Variants in SIL1 observed in about 807,000 individuals in gnomAD.
The protein encoded by SIL1 is SIL1 nucleotide exchange factor.
SIL1 carries 40 observed loss-of-function variants against 49.1 expected under a neutral mutation model. That is an observed-to-expected ratio of 0.81 (90% confidence interval 0.63 to 1.06). The LOEUF is 1.06. Among genes scored for constraint, SIL1 ranks in the 50% least tolerant of loss-of-function variants. The pLI, the probability that SIL1 is intolerant of heterozygous loss-of-function variation, is 0.00. For synonymous variants in SIL1, 253 were observed against 250.8 expected, an observed-to-expected ratio of 1.01 and a Z score of -0.08; for missense variants, 500 against 572.6, an observed-to-expected ratio of 0.87 and a Z score of 1.29.
chr5:139,167,462 GTCTT>G (rs1199760988), intron 1 of SIL1, among the ~76,000 whole-genome samples: 6 of 151,904 alleles, frequency 3.9e-5, no homozygotes, highest in African/African-American at 1.5e-4. Flanking sequence ...ATGTATTTTT[GTCTT>G]TATTTTTAAC....
intron 4 of SIL1, among the ~76,000 whole-genome samples, chr5:139,048,382 T>G (rs1458253307): frequency 9.0e-5 from 13 of 143,740 alleles, no homozygotes; most frequent in East Asian, 5.9e-4. Flanking sequence ...TTTTTTTTTT[T>G]TTTTTTTTTT....
chr5:139,153,512 G>C lies in SIL1; in HGVS notation c.-10-25659C>G, dbSNP rs1023869037. 2.0e-5 allele frequency among the ~76,000 whole-genome samples: 3 copies of C among 152,148 alleles called. No individual in the cohort carries two copies. The South Asian group carries it at 6.2e-4, about 32-fold the overall frequency. On this transcript the variant is annotated intron_variant, in intron 1 of 9. Coordinates refer to ENST00000394817, the MANE Select transcript of SIL1 (RefSeq NM_022464.5). ...CTGAGATGATTTAGAGTCTCTGTTA[G>C]ACTCACTTCTCAGTTCTATCCTGGT... is the stretch of plus-strand genomic sequence containing the variant.
chr5:139,172,259 C>T (rs923613215), intron 1 of SIL1, among the ~76,000 whole-genome samples: 2 of 152,184 alleles, frequency 1.3e-5, no homozygotes, highest in Non-Finnish European at 2.9e-5. Context: ...AAAAGCTCAA[C>T]AAACTCCAAA....
chr5:139,115,794 C>A (rs1250165292), intron 3 of SIL1, among the ~76,000 whole-genome samples: 1 of 152,156 alleles, frequency 6.6e-6, no homozygotes, highest in Non-Finnish European at 1.5e-5. Context: ...GCCATTCTAG[C>A]AAATTATTAA....
chr5:139,079,066 A>G (rs1222774640), intron 3 of SIL1, among the ~76,000 whole-genome samples: 2 of 152,234 alleles, frequency 1.3e-5, no homozygotes, highest in African/African-American at 4.8e-5. Context: ...AATAATCACA[A>G]ATGGTTAGTG....
intron 1 of SIL1, among the ~76,000 whole-genome samples, chr5:139,159,069 A>C (rs954197287): frequency 5.9e-5 from 9 of 152,164 alleles, no homozygotes; most frequent in Non-Finnish European, 1.3e-4. Context: ...TACAGGGGAC[A>C]AGGGGAAAGA....
intron 7 of SIL1, among the ~76,000 whole-genome samples, chr5:138,993,568 G>T (rs967937060): frequency 1.3e-5 from 2 of 152,148 alleles, no homozygotes; most frequent in African/African-American, 4.8e-5. Context: ...ATGTGTATGT[G>T]ATTACACTAC....
At chr5:139,054,142 G>A (rs1343760039) in intron 3 of SIL1, among the ~76,000 whole-genome samples, 2 of 152,216 alleles carry the variant, frequency 1.3e-5, no homozygotes, top group South Asian at 4.1e-4. Context: ...TTAGCTGAGT[G>A]TGGTGGCTCA....
intron 5 of SIL1, among the ~76,000 whole-genome samples, chr5:139,028,813 T>C (rs1561835000): frequency 6.6e-6 from 1 of 152,214 alleles, no homozygotes; most frequent in Non-Finnish European, 1.5e-5. Flanking sequence ...ACCTGAGATG[T>C]AGACTTGTGT....
rs750649166 is a variant in SIL1 at position 138,951,922 on chromosome 5, C to T, written c.768-38G>A. The T allele has an allele frequency of 3.2e-6, 5 of 1,563,784 alleles. No individual in the cohort carries two copies. In the South Asian group the frequency reaches 3.3e-5, roughly 10 times the overall value. On this transcript the variant is annotated intron_variant, in intron 7 of 9. Transcript: ENST00000394817. ...CACAGGACAGCATGACTACCCTGCC[C>T]AGCCCAGGGATCGGATGGTCAGGGA...
At chr5:138,952,037 AC>A in intron 7 of SIL1, among the ~76,000 whole-genome samples, 153 bp from the exon 8 acceptor site, 1 of 152,228 alleles carries the variant, frequency 6.6e-6, no homozygotes. Flanking sequence ...GGAAACAAAG[AC>A]CATCTGGCAC....
At chr5:139,095,265 CTTT>C (rs1172866470) in intron 3 of SIL1, among the ~76,000 whole-genome samples, 23 of 131,788 alleles carry the variant, frequency 1.7e-4, no homozygotes, top group Admixed American at 1.5e-4. Flanking sequence ...TATTGGAATT[CTTT>C]TTTTTTTTTT....
At chr5:139,090,153 C>A (rs766364419) in intron 3 of SIL1, among the ~76,000 whole-genome samples, 1 of 152,166 alleles carries the variant, frequency 6.6e-6, no homozygotes, top group African/African-American at 2.4e-5. Context: ...ACCACTGATG[C>A]TTCTCACTCC....
chr5:139,168,842 G>C (rs1024392821), intron 1 of SIL1, among the ~76,000 whole-genome samples: 1 of 151,698 alleles, frequency 6.6e-6, no homozygotes, highest in African/African-American at 2.4e-5. Flanking sequence ...CGTGTCTGTA[G>C]TCCCAGTTAC....
chr5:139,132,175 G>C (rs1473832722), intron 1 of SIL1, among the ~76,000 whole-genome samples: 1 of 152,152 alleles, frequency 6.6e-6, no homozygotes, highest in African/African-American at 2.4e-5. Context: ...GAAGGAAATA[G>C]TCAAGGGCAA....
At chr5:139,165,307 T>G (rs1029376173) in intron 1 of SIL1, among the ~76,000 whole-genome samples, 1 of 152,174 alleles carries the variant, frequency 6.6e-6, no homozygotes, top group Non-Finnish European at 1.5e-5. Context: ...AAGCCCCCAC[T>G]TTGAGTTGTC....
chr5:139,035,643 T>C (rs975142108), intron 5 of SIL1: 1 of 96,014 alleles, frequency 1.0e-5, no homozygotes, highest in South Asian at 2.9e-4. Flanking sequence ...GGTATACAAC[T>C]TTTTTTTTTT....
intron 1 of SIL1, among the ~76,000 whole-genome samples, chr5:139,193,912 G>A (rs972380444): frequency 6.6e-6 from 1 of 152,090 alleles, no homozygotes; most frequent in African/African-American, 2.4e-5. Context: ...TGGTTGTCAC[G>A]GATTCACAGC....
At chr5:139,001,677 C>T (rs1767986194) in intron 7 of SIL1, among the ~76,000 whole-genome samples, 1 of 152,124 alleles carries the variant, frequency 6.6e-6, no homozygotes, top group African/African-American at 2.4e-5. Context: ...GAGGCCAAGG[C>T]GGGTGGAGCA....
Sources: gnomAD v4.1 joint callset for allele counts (sites outside exome capture counted in the v4.1 genomes callset) on GRCh38, gnomAD v4.1.1 for gene constraint, MANE v1.5 for transcripts, NCBI Gene and HGNC (gene_info 2026-07-23, HGNC 2026-07-21) for gene names.